DSG2: variants seen among roughly 807,000 people sequenced by gnomAD.
DSG2 encodes desmoglein-2.
DSG2 carries 45 observed loss-of-function variants against 75.6 expected under a neutral mutation model. The observed-to-expected ratio is 0.60, with a 90% CI of 0.47 to 0.76. The LOEUF is 0.76. DSG2 is among the 30% of genes least tolerant of loss of function. DSG2 has a pLI of 0.00. For synonymous variants in DSG2, 429 were observed against 483.9 expected (o/e 0.89, Z 1.49); for missense variants, 1,267 against 1,357.4 (o/e 0.93, Z 1.05).
At chr18:31,535,882 G>T (rs1293212042) in intron 10 of DSG2, among the ~76,000 whole-genome samples, 1 of 151,954 alleles carries the variant, frequency 6.6e-6, no homozygotes, top group African/African-American at 2.4e-5. Context: ...CCAGGAGTTT[G>T]AGACCAGCCT....
intron 1 of DSG2, among the ~76,000 whole-genome samples, chr18:31,510,772 C>T (rs2073062235): frequency 6.6e-6 from 1 of 152,132 alleles, no homozygotes; most frequent in South Asian, 2.1e-4. Context: ...CATCTGAAAA[C>T]ACTGCTTTGG....
intron 8 of DSG2, among the ~76,000 whole-genome samples, chr18:31,528,734 T>C (rs375829916): frequency 1.1e-4 from 16 of 150,858 alleles, no homozygotes; most frequent in African/African-American, 2.7e-4. Flanking sequence ...AAAAATTTGC[T>C]GATTATGCTA....
intron 1 of DSG2, among the ~76,000 whole-genome samples, chr18:31,510,982 TAC>T (rs1379254231): frequency 6.6e-6 from 1 of 152,204 alleles, no homozygotes; most frequent in East Asian, 1.9e-4. Flanking sequence ...GACTCAAACT[TAC>T]AGAGTGGACA....
chr18:31,508,075 C>T (rs1176266492), intron 1 of DSG2, among the ~76,000 whole-genome samples: 1 of 152,108 alleles, frequency 6.6e-6, no homozygotes, highest in Admixed American at 6.5e-5. Flanking sequence ...ACATTTAAGT[C>T]TTTAATCCAT....
intron 12 of DSG2, among the ~76,000 whole-genome samples, chr18:31,540,246 G>A (rs2073257693): frequency 6.6e-6 from 1 of 152,040 alleles, no homozygotes; most frequent in African/African-American, 2.4e-5. Context: ...AAAAGGTTGG[G>A]GACTGCTGTA....
intron 10 of DSG2, 95 bp downstream of exon 10, chr18:31,535,507 T>A: frequency 8.2e-7 from 1 of 1,214,526 alleles, no homozygotes; most frequent in Non-Finnish European, 1.2e-6. Context: ...TATAAAAACC[T>A]AATCTCGGCC....
At position 31,528,611 on chromosome 18, in the gene DSG2, G is replaced by A. The variant is rs139709053; in HGVS notation, c.1015-2376G>A. 2.1e-3 allele frequency among the ~76,000 whole-genome samples: 321 copies of A among 151,110 alleles called. 2 individuals are homozygous for A. Among genetic ancestry groups the A allele is most frequent in the South Asian group, 8.8e-3 (42 of 4,772 alleles). ...TATAATTCCAGCTGCTTGGGAGGCT[G>A]AAGCAGGAGAATTGCCTGAACCCGG... On this transcript the variant is annotated intron_variant, in intron 8 of 14. Transcript: ENST00000261590.
chr18:31,501,481 G>A (rs2073013502), intron 1 of DSG2, among the ~76,000 whole-genome samples: 1 of 152,182 alleles, frequency 6.6e-6, no homozygotes, highest in South Asian at 2.1e-4. Flanking sequence ...AGTTCCAGAG[G>A]CTAGAAATCC....
rs2144353655 is a variant in DSG2, at chr18:31,542,802, G to A, written c.2284G>A (p.Ala762Thr). 8 of 1,601,636 alleles carry A rather than the reference G, an allele frequency of 5.0e-6. No individual in the cohort carries two copies. The highest frequency in any genetic ancestry group is 6.8e-6 in the Non-Finnish European group (8 of 1,174,468). The stretch of plus-strand genomic sequence containing the variant: ...TTCCAGAGACATGGCCGGAGCTCAG[G>A]CAGCTGCTGTTGCACTGAACGAAGA... ...GASRDMAGAQAAAVALNEEFL... is the reference protein window; with the variant it reads ...GASRDMAGAQTAAVALNEEFL... Residue 762 changes from alanine to threonine, a missense_variant, in exon 14 of 15, where the codon GCA becomes ACA. Transcript: ENST00000261590.
chr18:31,521,560 C>A (rs555075091), intron 5 of DSG2, among the ~76,000 whole-genome samples: 2 of 152,238 alleles, frequency 1.3e-5, no homozygotes, highest in Admixed American at 1.3e-4. Flanking sequence ...AATAAAACTT[C>A]ATTTACAAAA....
chr18:31,513,899 A>G (rs575873317), intron 1 of DSG2, among the ~76,000 whole-genome samples: 1 of 152,324 alleles, frequency 6.6e-6, no homozygotes, highest in East Asian at 1.9e-4. Context: ...AATGCATAAT[A>G]CTGATCTAAT....
intron 1 of DSG2, among the ~76,000 whole-genome samples, chr18:31,502,693 G>A (rs906778655): frequency 5.9e-5 from 9 of 152,244 alleles, no homozygotes; most frequent in Non-Finnish European, 1.3e-4. Flanking sequence ...GGAGGTTGCA[G>A]TGAGCCGAGA....
intron 1 of DSG2, among the ~76,000 whole-genome samples, chr18:31,510,511 G>A (rs1045026417): frequency 5.3e-5 from 8 of 151,894 alleles, no homozygotes; most frequent in African/African-American, 1.9e-4. Context: ...AGAACAGAAA[G>A]TCTTTTCTAA....
Position 31,542,644 on chromosome 18 carries a change from A to G in DSG2, c.2126A>G (p.His709Arg), listed in dbSNP as rs752557148. ...SSSASIVKGQ[H>R]EMSEMDGRWE... Reference sequence around the variant, plus strand: ...TCTGCTTCCATTGTCAAAGGGCAACATGAGATGTCCGAGATGGATGGAAGG... The same window carrying G: ...TCTGCTTCCATTGTCAAAGGGCAACGTGAGATGTCCGAGATGGATGGAAGG... The change falls in exon 14 of 15, where the codon CAT becomes CGT. Residue 709 changes from histidine (H) to arginine (R), a missense_variant. Physicochemically the swap from His to Arg is conservative, Grantham distance 29. Coordinates refer to ENST00000261590, the MANE Select transcript of DSG2 (RefSeq NM_001943.5). The G allele has an allele frequency of 6.2e-7, 1 of 1,614,186 alleles. No homozygotes were observed. Among genetic ancestry groups the G allele is most frequent in the South Asian group, 1.1e-5 (1 of 91,090 alleles).
chr18:31,498,242 C>G lies in DSG2; in HGVS notation c.-10C>G. On this transcript the variant is annotated 5_prime_UTR_variant, in exon 1 of 15. Coordinates refer to ENST00000261590, the MANE Select transcript of DSG2 (RefSeq NM_001943.5). ...GCGGTGCGGCGGCGGGAGGCGGAGG[C>G]GAGGGTGCGATGGCGCGGAGCCCGG... 1 of 1,255,502 alleles carries G rather than the reference C, an allele frequency of 8.0e-7. No homozygotes were observed. Among genetic ancestry groups the G allele is most frequent in the Non-Finnish European group, 1.0e-6 (1 of 996,784 alleles). 77.8% of individuals were successfully genotyped at this position (1,255,502 alleles called of 1,614,324 possible).
At chr18:31,510,988 G>A (rs1007256042) in intron 1 of DSG2, among the ~76,000 whole-genome samples, 2 of 152,184 alleles carry the variant, frequency 1.3e-5, no homozygotes, top group Non-Finnish European at 2.9e-5. Flanking sequence ...AACTTACAGA[G>A]TGGACAGGTT....
intron 1 of DSG2, among the ~76,000 whole-genome samples, chr18:31,510,792 C>G (rs2073062366): frequency 1.3e-5 from 2 of 152,198 alleles, no homozygotes. Context: ...GATACAGGAA[C>G]TAGCAGCTTA....
chr18:31,518,293 T>A lies in DSG2; in HGVS notation c.81+19T>A. Reference sequence around the variant, plus strand: ...CTTACAGGTGAGGAAACAAAGGGATTATTTCTGCCTTCTGACTCAGGAGGG... The same window carrying A: ...CTTACAGGTGAGGAAACAAAGGGATAATTTCTGCCTTCTGACTCAGGAGGG... On this transcript the variant is annotated intron_variant, in intron 2 of 14. Coordinates refer to ENST00000261590, the MANE Select transcript of DSG2 (RefSeq NM_001943.5). 6.2e-7 allele frequency: 1 copy of A among 1,607,360 alleles called. No homozygotes were observed.
At chr18:31,513,772 C>A (rs904450487) in intron 1 of DSG2, among the ~76,000 whole-genome samples, 2 of 152,170 alleles carry the variant, frequency 1.3e-5, no homozygotes, top group African/African-American at 4.8e-5. Context: ...AAAATAGTAA[C>A]TTTACAACGG....
Sources: allele counts gnomAD v4.1 joint callset (sites outside exome capture counted in the v4.1 genomes callset), GRCh38; gene constraint gnomAD v4.1.1; transcripts MANE v1.5; gene names NCBI Gene and HGNC (gene_info 2026-07-23, HGNC 2026-07-21).